The following AGBL4 variants were observed in gnomAD, a reference collection of about 807,000 sequenced individuals.
AGBL4 encodes cytosolic carboxypeptidase 6.
In AGBL4, 58 loss-of-function variants were observed where a neutral mutation model predicts 66.4. The ratio of observed to expected loss-of-function variants is 0.87; its 90% CI spans 0.71 to 1.09. The LOEUF (loss-of-function observed/expected upper bound fraction) is 1.09, where lower values mean the gene tolerates loss of function less well. Ranked by LOEUF, AGBL4 falls within the 50% of genes least tolerant of loss-of-function variation. The pLI, the probability that AGBL4 is intolerant of heterozygous loss-of-function variation, is 0.00. For missense variants in AGBL4, 579 were observed against 631.0 expected (o/e 0.92, Z 0.88); for synonymous variants, 234 against 222.9 (o/e 1.05, Z -0.44).
intron 9 of AGBL4, among the ~76,000 whole-genome samples, chr1:48,591,532 C>T (rs908816125): frequency 6.6e-6 from 1 of 152,106 alleles, no homozygotes; most frequent in African/African-American, 2.4e-5. Flanking sequence ...TAATTCAAAC[C>T]TCAGAGCATT....
intron 3 of AGBL4, among the ~76,000 whole-genome samples, chr1:49,554,094 C>T (rs1653202454): frequency 6.6e-6 from 1 of 152,166 alleles, no homozygotes; most frequent in African/African-American, 2.4e-5. Context: ...GATTACACCA[C>T]TGCACTTGAG....
intron 4 of AGBL4, among the ~76,000 whole-genome samples, chr1:49,108,309 G>T (rs1039691345): frequency 6.6e-6 from 1 of 152,116 alleles, no homozygotes; most frequent in Non-Finnish European, 1.5e-5. Flanking sequence ...ATACACCAGC[G>T]AATAAAACAG....
At chr1:49,849,912 G>T (rs1646263334) in intron 2 of AGBL4, among the ~76,000 whole-genome samples, 1 of 152,108 alleles carries the variant, frequency 6.6e-6, no homozygotes, top group Admixed American at 6.6e-5. Flanking sequence ...TTATTGTAAA[G>T]GGTCCTTATG....
At chr1:48,867,312 A>G (rs1229330272) in intron 5 of AGBL4, 82 bp from the exon 6 acceptor site, 12 of 1,397,304 alleles carry the variant, frequency 8.6e-6, no homozygotes, top group Middle Eastern at 1.8e-4. Flanking sequence ...GGACAAGCAA[A>G]GAGGATGTTG....
At chr1:48,852,529 A>G (rs560619407) in intron 6 of AGBL4, among the ~76,000 whole-genome samples, 63 of 152,290 alleles carry the variant, frequency 4.1e-4, no homozygotes, top group African/African-American at 1.4e-3. Context: ...CAAGTGTGTA[A>G]AGAACTGTGA....
intron 9 of AGBL4, among the ~76,000 whole-genome samples, chr1:48,630,986 AATAACTGTCT>A (rs1645583902): frequency 6.6e-6 from 1 of 152,138 alleles, no homozygotes; most frequent in African/African-American, 2.4e-5. Context: ...ATGCACCTAG[AATAACTGTCT>A]GTAAATGTCT....
At chr1:49,278,333 G>A (rs181394352) in intron 3 of AGBL4, among the ~76,000 whole-genome samples, 57 of 152,186 alleles carry the variant, frequency 3.7e-4, no homozygotes, top group African/African-American at 1.2e-3. Context: ...CAGGACAGAC[G>A]AATATTTTTT....
chr1:49,689,561 T>C (rs1202459407), intron 3 of AGBL4, among the ~76,000 whole-genome samples: 1 of 152,196 alleles, frequency 6.6e-6, no homozygotes, highest in Non-Finnish European at 1.5e-5. Context: ...TCTGGGTCTA[T>C]TGTGGCTCTA....
chr1:49,712,826 A>T (rs903444024), intron 2 of AGBL4, among the ~76,000 whole-genome samples: 4 of 151,918 alleles, frequency 2.6e-5, no homozygotes, highest in Admixed American at 6.6e-5. Context: ...CTTGTTTCTT[A>T]CTTTCTTTGT....
chr1:49,479,760 G>A (rs1307151264), intron 3 of AGBL4, among the ~76,000 whole-genome samples: 3 of 149,620 alleles, frequency 2.0e-5, no homozygotes, highest in Non-Finnish European at 3.0e-5. Flanking sequence ...GGAGTGCAGA[G>A]GTGCGATCTC....
intron 6 of AGBL4, among the ~76,000 whole-genome samples, chr1:48,691,166 A>G (rs1362207607): frequency 6.7e-6 from 1 of 149,728 alleles, no homozygotes; most frequent in Non-Finnish European, 1.5e-5. Flanking sequence ...TCAAAAAAAA[A>G]AAAAAAAAAC....
At chr1:49,831,636 T>C (rs1440524941) in intron 2 of AGBL4, among the ~76,000 whole-genome samples, 1 of 152,190 alleles carries the variant, frequency 6.6e-6, no homozygotes, top group Non-Finnish European at 1.5e-5. Context: ...GGCCAGAACT[T>C]CCAATAATAT....
intron 1 of AGBL4, among the ~76,000 whole-genome samples, chr1:49,919,319 T>C (rs1023573461): frequency 6.6e-6 from 1 of 152,158 alleles, no homozygotes; most frequent in African/African-American, 2.4e-5. Context: ...ATGACATAAT[T>C]GTACATTTAG....
At chr1:49,440,875 A>C (rs1234388625) in intron 3 of AGBL4, among the ~76,000 whole-genome samples, 1 of 152,120 alleles carries the variant, frequency 6.6e-6, no homozygotes, top group African/African-American at 2.4e-5. Flanking sequence ...AGCTGGGGAC[A>C]CTGAGTTTGT....
At chr1:48,769,385 GT>G (rs1644691590) in intron 6 of AGBL4, among the ~76,000 whole-genome samples, 2 of 152,126 alleles carry the variant, frequency 1.3e-5, no homozygotes, top group African/African-American at 4.8e-5. Context: ...GGAGCCATTT[GT>G]CTAGCTGCCT....
At chr1:48,562,794 C>G (rs1419621816) in intron 11 of AGBL4, among the ~76,000 whole-genome samples, 3 of 152,172 alleles carry the variant, frequency 2.0e-5, no homozygotes, top group Non-Finnish European at 2.9e-5. Flanking sequence ...GAATCCAAGT[C>G]TGACTGCAAG....
At chr1:49,176,239 C>T (rs983977296) in intron 4 of AGBL4, among the ~76,000 whole-genome samples, 20 of 152,126 alleles carry the variant, frequency 1.3e-4, no homozygotes, top group Non-Finnish European at 2.2e-4. Flanking sequence ...AGTAAACTGG[C>T]ATTTGTTGAT....
chr1:48,769,434 T>C, intron 6 of AGBL4, among the ~76,000 whole-genome samples: 1 of 151,330 alleles, frequency 6.6e-6, no homozygotes, highest in East Asian at 1.9e-4. Flanking sequence ...ACACAATAAA[T>C]GCCCCCAGGA....
At chr1:48,582,259 T>C (rs1028790734) in intron 11 of AGBL4, among the ~76,000 whole-genome samples, 6 of 152,314 alleles carry the variant, frequency 3.9e-5, no homozygotes, top group Middle Eastern at 3.4e-3. Context: ...TAAAAAAGTA[T>C]GCATTATTGA....
Sources: gnomAD v4.1 joint callset for allele counts (sites outside exome capture counted in the v4.1 genomes callset) on GRCh38, gnomAD v4.1.1 for gene constraint, MANE v1.5 for transcripts, NCBI Gene and HGNC (gene_info 2026-07-23, HGNC 2026-07-21) for gene names.